The following NSUN3 variants were observed in gnomAD, a reference collection of about 807,000 sequenced individuals.
NSUN3 encodes NOP2/Sun RNA methyltransferase 3.
NSUN3 carries 24 observed loss-of-function variants against 36.8 expected under a neutral mutation model. The ratio of observed to expected loss-of-function variants is 0.65; its 90% CI spans 0.47 to 0.92. NSUN3 has a LOEUF of 0.92. Among genes scored for constraint, NSUN3 ranks in the 40% least tolerant of loss-of-function variants. NSUN3 has a pLI of 0.00. For missense variants in NSUN3, 381 were observed against 392.8 expected (o/e 0.97, Z 0.25); for synonymous variants, 146 against 145.2 (o/e 1.01, Z -0.04).
rs1375222688 is a variant in NSUN3 at position 94,129,563 on chromosome 3, C to G, written c.*3073C>G. Among the ~76,000 whole-genome samples, 1 of 151,966 alleles carries G rather than the reference C, an allele frequency of 6.6e-6. No homozygotes were observed. Among genetic ancestry groups the G allele is most frequent in the Non-Finnish European group, 1.5e-5 (1 of 67,998 alleles). ...GGTACTGCACTCACTACCTGGGTGA[C>G]GGGATCGTCTGTACCCCAAACCTCA... is the stretch of plus-strand genomic sequence containing the variant. On this transcript the variant is annotated 3_prime_UTR_variant, in exon 6 of 6. Transcript: ENST00000314622.
At chr3:94,083,571 A>C (rs889359971) in intron 2 of NSUN3, among the ~76,000 whole-genome samples, 3 of 152,198 alleles carry the variant, frequency 2.0e-5, no homozygotes, top group African/African-American at 7.2e-5. Flanking sequence ...TATGGACAGC[A>C]ACCAGAGACT....
In NSUN3 at chr3:94,129,469, C is replaced by G. The variant is rs1163679934; in HGVS notation, c.*2979C>G. The stretch of plus-strand genomic sequence containing the variant: ...TCGAGTACACATGGACATAAAGGAA[C>G]AATAGACACTGGTGACTACTAGAGT... On this transcript the variant is annotated 3_prime_UTR_variant, in exon 6 of 6. Transcript: ENST00000314622. 6.6e-6 allele frequency among the ~76,000 whole-genome samples: 1 copy of G among 151,968 alleles called. No homozygotes were observed. The highest frequency in any genetic ancestry group is 2.4e-5 in the African/African-American group (1 of 41,366).
intron 2 of NSUN3, among the ~76,000 whole-genome samples, chr3:94,072,454 C>T (rs2077227883): frequency 6.6e-6 from 1 of 152,132 alleles, no homozygotes; most frequent in Non-Finnish European, 1.5e-5. Flanking sequence ...GAACATTGTA[C>T]ACATCCAGTC....
intron 2 of NSUN3, among the ~76,000 whole-genome samples, chr3:94,074,477 C>T (rs1041915524): frequency 6.6e-6 from 1 of 152,132 alleles, no homozygotes; most frequent in East Asian, 1.9e-4. Context: ...TCTCTTATTT[C>T]CTCGAGCAGT....
chr3:94,100,039 T>C (rs2077358737), intron 5 of NSUN3, among the ~76,000 whole-genome samples: 2 of 152,186 alleles, frequency 1.3e-5, no homozygotes, highest in Non-Finnish European at 2.9e-5. Context: ...TTCATTCATA[T>C]GAAGGATTGA....
intron 3 of NSUN3, among the ~76,000 whole-genome samples, chr3:94,086,377 G>A (rs996361924): frequency 6.6e-6 from 1 of 152,212 alleles, no homozygotes; most frequent in Non-Finnish European, 1.5e-5. Flanking sequence ...AGTTGGTGAA[G>A]GACCTTGTGA....
chr3:94,092,199 C>G (rs894928825), intron 3 of NSUN3, among the ~76,000 whole-genome samples: 1 of 152,152 alleles, frequency 6.6e-6, no homozygotes, highest in African/African-American at 2.4e-5. Context: ...AAAAAGCAGC[C>G]AGCAGATTGT....
chr3:94,126,491 C>T lies in NSUN3; in HGVS notation c.*1C>T. 1 of 1,602,884 alleles carries T rather than the reference C, an allele frequency of 6.2e-7. No homozygotes were observed. The highest frequency in any genetic ancestry group is 1.1e-5 in the South Asian group (1 of 90,656). On this transcript the variant is annotated 3_prime_UTR_variant, in exon 6 of 6. Coordinates refer to ENST00000314622, the MANE Select transcript of NSUN3 (RefSeq NM_022072.5). ...ATCATGGAGCACAGGAAAATGGTGA[C>T]ATGAATTTGTAAACTGTGTTTATGT...
chr3:94,109,572 C>T (rs942753765), intron 5 of NSUN3, among the ~76,000 whole-genome samples: 5 of 152,204 alleles, frequency 3.3e-5, no homozygotes, highest in African/African-American at 1.2e-4. Context: ...ACACTAGAAT[C>T]CACGAAGACA....
intron 2 of NSUN3, among the ~76,000 whole-genome samples, chr3:94,069,217 C>T (rs2077216248): frequency 6.6e-6 from 1 of 152,156 alleles, no homozygotes; most frequent in South Asian, 2.1e-4. Flanking sequence ...ATCTGAGGTA[C>T]AGTGAATAAC....
At chr3:94,106,348 G>A (rs982814797) in intron 5 of NSUN3, among the ~76,000 whole-genome samples, 4 of 152,154 alleles carry the variant, frequency 2.6e-5, no homozygotes, top group Non-Finnish European at 5.9e-5. Flanking sequence ...GCTGGGTATG[G>A]TATCTCTGAA....
intron 5 of NSUN3, among the ~76,000 whole-genome samples, chr3:94,117,959 C>T (rs1212774559): frequency 6.6e-6 from 1 of 151,990 alleles, no homozygotes; most frequent in Non-Finnish European, 1.5e-5. Context: ...GTACTTCCTC[C>T]AATGAAGAGA....
At chr3:94,063,206 G>A in intron 1 of NSUN3, 68 bp downstream of exon 1, 1 of 1,517,378 alleles carries the variant, frequency 6.6e-7, no homozygotes, top group South Asian at 1.1e-5. Flanking sequence ...CCGAGGTGGC[G>A]AGGGAGGGTG....
intron 5 of NSUN3, among the ~76,000 whole-genome samples, chr3:94,122,113 C>A (rs2077465152): frequency 2.0e-5 from 3 of 149,546 alleles, no homozygotes; most frequent in Non-Finnish European, 4.4e-5. Context: ...CCACTGCACT[C>A]CAGTCTTGGC....
rs1175456526 is a variant in NSUN3, at chr3:94,131,688, A to G, written c.*5198A>G. ...AATTGTAAAGCAAAGAGTAATTGAT[A>G]TTACTTTCTGTGACACTGAGTTACT... On this transcript the variant is annotated 3_prime_UTR_variant, in exon 6 of 6. Coordinates refer to ENST00000314622, the MANE Select transcript of NSUN3 (RefSeq NM_022072.5). Among the ~76,000 whole-genome samples the G allele has an allele frequency of 1.3e-5, 2 of 152,226 alleles. No homozygotes were observed. The highest frequency in any genetic ancestry group is 1.9e-4 in the East Asian group (1 of 5,198).
intron 3 of NSUN3, among the ~76,000 whole-genome samples, chr3:94,088,923 C>T (rs1199044363): frequency 1.3e-5 from 2 of 152,150 alleles, no homozygotes; most frequent in African/African-American, 4.8e-5. Flanking sequence ...CCGGCCTCGG[C>T]CTCCCAAAGT....
At chr3:94,065,689 A>T (rs1283139252) in intron 2 of NSUN3, among the ~76,000 whole-genome samples, 1 of 152,236 alleles carries the variant, frequency 6.6e-6, no homozygotes, top group African/African-American at 2.4e-5. Flanking sequence ...AAATTGGTAA[A>T]TGCTGTAATA....
At chr3:94,104,264 G>A (rs899578026) in intron 5 of NSUN3, among the ~76,000 whole-genome samples, 3 of 152,154 alleles carry the variant, frequency 2.0e-5, no homozygotes, top group African/African-American at 4.8e-5. Flanking sequence ...AGCAAGACCT[G>A]GGGAGCTACA....
At chr3:94,104,032 G>T (rs2077376632) in intron 5 of NSUN3, among the ~76,000 whole-genome samples, 1 of 152,150 alleles carries the variant, frequency 6.6e-6, no homozygotes, top group South Asian at 2.1e-4. Flanking sequence ...CTTATTTATG[G>T]CATGCTTTAA....
Sources: allele counts gnomAD v4.1 joint callset (sites outside exome capture counted in the v4.1 genomes callset), GRCh38; gene constraint gnomAD v4.1.1; transcripts MANE v1.5; gene names NCBI Gene and HGNC (gene_info 2026-07-23, HGNC 2026-07-21).